PTPRM: variants seen among roughly 807,000 people sequenced by gnomAD.
PTPRM encodes the protein protein tyrosine phosphatase receptor type M, also known as receptor-type tyrosine-protein phosphatase mu.
Under a neutral mutation model 186.7 loss-of-function variants are expected in PTPRM, and 47 were observed. The observed-to-expected ratio is 0.25, with a 90% CI of 0.20 to 0.32. The LOEUF (loss-of-function observed/expected upper bound fraction) is 0.32, where lower values mean the gene tolerates loss of function less well. PTPRM is among the 10% of genes least tolerant of loss of function. The pLI is 1.00. For missense variants in PTPRM, 1,494 were observed against 1,865.0 expected, an observed-to-expected ratio of 0.80 and a Z score of 3.66; for synonymous variants, 668 against 674.9, an observed-to-expected ratio of 0.99 and a Z score of 0.16.
chr18:8,145,007 TG>T (rs1208261242), intron 14 of PTPRM, among the ~76,000 whole-genome samples: 1 of 152,180 alleles, frequency 6.6e-6, no homozygotes, highest in African/African-American at 2.4e-5. Context: ...AGACTGTTGA[TG>T]GCCTTTGAGT....
intron 7 of PTPRM, among the ~76,000 whole-genome samples, chr18:8,055,414 T>A (rs1002075851): frequency 6.6e-6 from 1 of 152,202 alleles, no homozygotes; most frequent in Non-Finnish European, 1.5e-5. Flanking sequence ...TCTTGCTGTC[T>A]AGTTTTATAC....
chr18:8,225,279 A>C (rs2094199943), intron 14 of PTPRM, among the ~76,000 whole-genome samples: 2 of 152,232 alleles, frequency 1.3e-5, no homozygotes, highest in East Asian at 3.8e-4. Context: ...TAGTGTCATT[A>C]TCAGTGATTT....
intron 2 of PTPRM, among the ~76,000 whole-genome samples, chr18:7,847,132 G>A (rs1250452979): frequency 6.7e-6 from 1 of 148,434 alleles, no homozygotes; most frequent in African/African-American, 2.5e-5. Context: ...GGGTATTCTA[G>A]TCTAGCTGCT....
intron 2 of PTPRM, among the ~76,000 whole-genome samples, chr18:7,807,153 C>T (rs1449728666): frequency 6.6e-6 from 1 of 152,166 alleles, no homozygotes; most frequent in African/African-American, 2.4e-5. Flanking sequence ...AGTGTTCACG[C>T]TTTTTCACGG....
At chr18:8,228,802 G>A (rs4992032) in intron 14 of PTPRM, among the ~76,000 whole-genome samples, 80,261 of 151,628 alleles carry the variant, frequency 0.53, 21,695 homozygotes, top group Middle Eastern at 0.74. Context: ...GCAGTGAGCC[G>A]AGATCACACC....
Position 8,350,032 on chromosome 18 carries a change from G to C in PTPRM, c.3054+6512G>C, listed in dbSNP as rs145185792. 8.6e-3 allele frequency among the ~76,000 whole-genome samples: 1,314 copies of C among 152,278 alleles called. 5 individuals carry two copies. The highest frequency in any genetic ancestry group is 0.014 in the African/African-American group (590 of 41,550). On this transcript the variant is annotated intron_variant, in intron 23 of 32. Transcript: ENST00000580170. The stretch of plus-strand genomic sequence containing the variant: ...AGTTACCTACAGGTTGAAGGTTCAG[G>C]GCCTGTCGGGGCAAATCCTCTAAGT...
intron 2 of PTPRM, among the ~76,000 whole-genome samples, chr18:7,843,030 T>C (rs2046431075): frequency 6.6e-6 from 1 of 150,954 alleles, no homozygotes; most frequent in African/African-American, 2.4e-5. Context: ...TTTATGTTTC[T>C]CATATATCTA....
At chr18:7,946,162 A>G (rs139274166) in intron 5 of PTPRM, among the ~76,000 whole-genome samples, 166 of 152,334 alleles carry the variant, frequency 1.1e-3, no homozygotes, top group Admixed American at 5.0e-3. Context: ...GCATAAATCC[A>G]AAAAGGAGGG....
At chr18:7,783,748 T>TTGTG (rs60314284) in intron 2 of PTPRM, among the ~76,000 whole-genome samples, 71,940 of 146,442 alleles carry the variant, frequency 0.49, 17,949 homozygotes, top group East Asian at 0.8. Context: ...ATTTTTAATT[T>TTGTG]TGTGTGTGTG....
chr18:7,844,996 T>A (rs1251453285), intron 2 of PTPRM, among the ~76,000 whole-genome samples: 2 of 152,182 alleles, frequency 1.3e-5, no homozygotes, highest in African/African-American at 4.8e-5. Flanking sequence ...TGCTGAGGGA[T>A]TACCCTGTTA....
chr18:8,197,921 G>A lies in PTPRM; in HGVS notation c.2301-46137G>A, dbSNP rs1191940173. 2.0e-5 allele frequency among the ~76,000 whole-genome samples: 3 copies of A among 152,184 alleles called. No homozygotes were observed. The East Asian group carries it at 5.8e-4, about 29-fold the overall frequency. ...TGCAGGACTTCACCAGTCATTAGAA[G>A]CTCATTCCAGGAATCCCAGCCTCGA... On this transcript the variant is annotated intron_variant, in intron 14 of 32. Coordinates refer to ENST00000580170, the MANE Select transcript of PTPRM (RefSeq NM_001105244.2).
chr18:7,867,501 T>A (rs924137567), intron 2 of PTPRM, among the ~76,000 whole-genome samples: 1 of 152,220 alleles, frequency 6.6e-6, no homozygotes, highest in Admixed American at 6.5e-5. Context: ...AAAATTCTTT[T>A]CTTTAAAAAT....
At chr18:8,296,503 A>G in intron 20 of PTPRM, 48 bp downstream of exon 20, 1 of 1,380,804 alleles carries the variant, frequency 7.2e-7, no homozygotes, top group Non-Finnish European at 1.0e-6. Context: ...TCCTTTTTGC[A>G]TCTAGTAAGA....
intron 1 of PTPRM, among the ~76,000 whole-genome samples, chr18:7,659,126 A>T (rs1030921464): frequency 2.7e-5 from 4 of 149,946 alleles, no homozygotes; most frequent in Non-Finnish European, 4.4e-5. Flanking sequence ...GTACACACAC[A>T]CACACACACA....
At chr18:7,808,746 A>T (rs1324734906) in intron 2 of PTPRM, among the ~76,000 whole-genome samples, 1 of 152,164 alleles carries the variant, frequency 6.6e-6, no homozygotes, top group East Asian at 1.9e-4. Context: ...AGGAAGTTAA[A>T]CTCTAAATAT....
Position 7,937,994 on chromosome 18 carries a change from C to T in PTPRM, c.664-11187C>T, listed in dbSNP as rs564958768. ...ATTCTAGGTGTATATTTTCCATTTT[C>T]TACTTCAGACCTAGAATTGGCCATT... On this transcript the variant is annotated intron_variant, in intron 5 of 32. Coordinates refer to ENST00000580170, the MANE Select transcript of PTPRM (RefSeq NM_001105244.2). Among the ~76,000 whole-genome samples the T allele has an allele frequency of 6.9e-4, 105 of 152,292 alleles. 1 individual carries two copies. Among genetic ancestry groups the T allele is most frequent in the African/African-American group, 2.3e-3 (95 of 41,564 alleles).
intron 13 of PTPRM, among the ~76,000 whole-genome samples, chr18:8,135,174 C>G (rs1355654750): frequency 6.6e-6 from 1 of 152,132 alleles, no homozygotes; most frequent in Non-Finnish European, 1.5e-5. Context: ...CTTCCAATCT[C>G]TACATACTGG....
At chr18:8,021,334 ACACACAC>A (rs2085213821) in intron 7 of PTPRM, among the ~76,000 whole-genome samples, 3 of 149,736 alleles carry the variant, frequency 2.0e-5, no homozygotes, top group African/African-American at 7.5e-5. Context: ...ACACACACAC[ACACACAC>A]ACACACACAC....
At chr18:8,212,897 A>G (rs2094026882) in intron 14 of PTPRM, among the ~76,000 whole-genome samples, 1 of 152,080 alleles carries the variant, frequency 6.6e-6, no homozygotes, top group African/African-American at 2.4e-5. Flanking sequence ...CTCCATTCCA[A>G]TTTCCTTCTT....
Sources: gnomAD v4.1 joint callset for allele counts (sites outside exome capture counted in the v4.1 genomes callset) on GRCh38, gnomAD v4.1.1 for gene constraint, MANE v1.5 for transcripts, NCBI Gene and HGNC (gene_info 2026-07-23, HGNC 2026-07-21) for gene names.